KMT2B: variants seen among roughly 807,000 people sequenced by gnomAD.
The protein encoded by KMT2B is lysine methyltransferase 2B.
KMT2B carries 22 observed loss-of-function variants against 255.3 expected under a neutral mutation model. The ratio of observed to expected loss-of-function variants is 0.09; its 90% confidence interval spans 0.06 to 0.12. The LOEUF (loss-of-function observed/expected upper bound fraction) is 0.12. KMT2B is among the 10% of genes least tolerant of loss of function. The pLI, the probability that KMT2B is intolerant of heterozygous loss-of-function variation, is 1.00. For synonymous variants in KMT2B, 1,730 were observed against 1,498.1 expected, an observed-to-expected ratio of 1.15 and a Z score of -3.57; for missense variants, 3,149 against 3,737.0, an observed-to-expected ratio of 0.84 and a Z score of 4.10.
chr19:35,732,153 G>GGGGGTT lies in KMT2B; in HGVS notation c.5665+23_5665+28dup. ...CTCCCCTGGTGAGCACCGGGCATGT[G>GGGGGTT]GGGGTTGGGGGTGGAGCCGCGGAGG... On this transcript the variant is annotated intron_variant, in intron 27 of 36. Transcript: ENST00000420124. The GGGGGTT allele has an allele frequency of 6.3e-7, 1 of 1,574,878 alleles. No individual in the cohort carries two copies. Among genetic ancestry groups the GGGGGTT allele is most frequent in the Non-Finnish European group, 8.6e-7 (1 of 1,158,822 alleles).
chr19:35,736,378 G>A (rs1342109339), intron 30 of KMT2B: 3 of 303,700 alleles, frequency 9.9e-6, no homozygotes, highest in East Asian at 1.1e-4. Flanking sequence ...ACAGGTAGAT[G>A]GGATGTATGG....
chr19:35,728,674 G>A, intron 19 of KMT2B, 100 bp from the exon 20 acceptor site: 1 of 803,508 alleles, frequency 1.2e-6, no homozygotes, highest in Non-Finnish European at 2.1e-6. Flanking sequence ...CATAGAGAGG[G>A]AGTAGCGGGT....
At chr19:35,731,855 C>T in intron 26 of KMT2B, 53 bp from the exon 27 acceptor site, 2 of 1,335,556 alleles carry the variant, frequency 1.5e-6, no homozygotes, top group Non-Finnish European at 1.1e-6. Flanking sequence ...AGCATGTGGG[C>T]AGGCTTTGAC....
Position 35,721,515 on chromosome 19 carries a change from G to A in KMT2B, c.2168G>A (p.Gly723Glu), listed in dbSNP as rs1319017297. Residue 723 changes from glycine (G) to glutamate (E), a missense_variant, in exon 3 of 37, where the codon GGG becomes GAG. Physicochemically the swap from Gly to Glu is moderately conservative, Grantham distance 98. Around this residue, in one of 18 missense-constraint regions of KMT2B, gnomAD observed 1,188 missense variants for 1,106.4 expected, o/e 1.07. Transcript: ENST00000420124. ...GTTAAGGCCGAGGTGTCCCCTCACG[G>A]GGCTCCAGCTCTGAGCAACGGGCCA... is the stretch of plus-strand genomic sequence containing the variant. ...TPVKAEVSPH[G>E]APALSNGPQT... 2 of 1,611,876 alleles carry A rather than the reference G, an allele frequency of 1.2e-6. No homozygotes were observed. The highest frequency in any genetic ancestry group is 2.7e-5 in the African/African-American group (2 of 74,844).
In KMT2B at chr19:35,720,589, T is replaced by TACCC; in HGVS notation, c.1242_1243insACCC (p.Pro415ThrfsTer136). On this transcript the variant is annotated frameshift_variant, in exon 3 of 37. Coordinates refer to ENST00000420124, the MANE Select transcript of KMT2B (RefSeq NM_014727.3). LOFTEE classifies it high-confidence loss of function. ...TGACTCCTCCAGCCCCTTCACCTCC[T>TACCC]CCACCCCTCCCACCCCCTTCGACAT... 1 of 1,407,324 alleles carries TACCC rather than the reference T, an allele frequency of 7.1e-7. No individual in the cohort carries two copies. The highest frequency in any genetic ancestry group is 9.4e-7 in the Non-Finnish European group (1 of 1,059,758). 87.2% of individuals were successfully genotyped at this position (1,407,324 alleles called of 1,614,324 possible).
rs568148791 is a variant in KMT2B at position 35,726,625 on chromosome 19, G to A, written c.4003+272G>A. Among the ~76,000 whole-genome samples the A allele has an allele frequency of 1.8e-4, 28 of 152,232 alleles. No homozygotes were observed. In the South Asian group the frequency reaches 5.2e-3, roughly 28 times the overall value. On this transcript the variant is annotated intron_variant, in intron 14 of 36. Transcript: ENST00000420124. ...CTGGAACCTCACGTCTCCATTGAGC[G>A]GTTTGGAAGCCTTATTCAGGCAGTA... is the stretch of plus-strand genomic sequence containing the variant.
Position 35,718,466 on chromosome 19 carries a change from G to A in KMT2B, c.363+85G>A. 2.5e-6 allele frequency: 3 copies of A among 1,192,752 alleles called. No individual in the cohort carries two copies. Among genetic ancestry groups the A allele is most frequent in the Middle Eastern group, 3.4e-4 (1 of 2,942 alleles). 73.9% of individuals were successfully genotyped at this position (1,192,752 alleles called of 1,614,324 possible). On this transcript the variant is annotated intron_variant, in intron 1 of 36. Transcript: ENST00000420124. This position sits in a 1 kb window ranked among gnomAD's most constrained non-coding sequence, Gnocchi z 5.0. ...TCTGGGTTGTCCCGGGGGCGGCGTG[G>A]GCAGGCCGGGTCCTCAGGGTTCCTT...
At chr19:35,719,613 C>G (rs940606852) in intron 2 of KMT2B, 72 bp downstream of exon 2, 1 of 1,519,344 alleles carries the variant, frequency 6.6e-7, no homozygotes, top group South Asian at 1.2e-5. Context: ...CAGCTCTTCC[C>G]TGTTCAACTA....
At position 35,727,015 on chromosome 19, in the gene KMT2B, CAAG is replaced by C. The variant is rs1969481965; in HGVS notation, c.4004-140_4004-138del. 6.7e-6 allele frequency: 3 copies of C among 450,486 alleles called. No individual in the cohort carries two copies. Among genetic ancestry groups the C allele is most frequent in the Non-Finnish European group, 1.2e-5 (3 of 248,824 alleles). 27.9% of individuals were successfully genotyped at this position (450,486 alleles called of 1,614,324 possible). A position where few individuals can be genotyped will look rare whatever the true frequency, so the allele number is the denominator to read the frequency against. The stretch of plus-strand genomic sequence containing the variant: ...AAAAAAAAAAAAAAAGCCTCATCCT[CAAG>C]GAGCTTTTAGGGACTAGTAGGGGCC... On this transcript the variant is annotated intron_variant, in intron 14 of 36. Transcript: ENST00000420124. This position sits in a 1 kb window ranked among gnomAD's most constrained non-coding sequence, Gnocchi z 4.2.
chr19:35,734,160 G>C (rs1487965636), intron 30 of KMT2B, among the ~76,000 whole-genome samples: 2 of 152,130 alleles, frequency 1.3e-5, no homozygotes, highest in Non-Finnish European at 2.9e-5. Flanking sequence ...AGCTGAGAGA[G>C]AGCTTCCTAG....
intron 13 of KMT2B, 45 bp from the exon 14 acceptor site, chr19:35,726,191 C>T (rs752097225): frequency 4.3e-5 from 63 of 1,450,674 alleles, no homozygotes; most frequent in Non-Finnish European, 6.0e-5. Context: ...CATGTTGCTC[C>T]AGTCCAGTGC....
At position 35,733,814 on chromosome 19, in the gene KMT2B, C is replaced by T; in HGVS notation, c.7101C>T (p.Pro2367=). Residue 2367 remains proline (P), a synonymous_variant, in exon 30 of 37, where the codon CCC becomes CCT. Transcript: ENST00000420124. This position sits in a 1 kb window ranked among gnomAD's most constrained non-coding sequence, Gnocchi z 4.3. The part of the protein sequence containing the change: ...PLLPLPEDGP[P]QVPDGPPDLL... Reference sequence around the variant, plus strand: ...TGCCACTTCCGGAAGATGGTCCTCCCCAGGTCCCCGATGGTCCCCCAGACC... The same window carrying T: ...TGCCACTTCCGGAAGATGGTCCTCCTCAGGTCCCCGATGGTCCCCCAGACC... 1.2e-6 allele frequency: 2 copies of T among 1,613,782 alleles called. No individual in the cohort carries two copies. Among genetic ancestry groups the T allele is most frequent in the Admixed American group, 3.3e-5 (2 of 60,002 alleles).
intron 22 of KMT2B, among the ~76,000 whole-genome samples, chr19:35,729,536 C>G (rs544946419): frequency 6.6e-6 from 1 of 152,268 alleles, no homozygotes; most frequent in East Asian, 1.9e-4. Context: ...TTGATTGAAC[C>G]TGGGCTGCAC....
chr19:35,723,321 A>G lies in KMT2B; in HGVS notation c.3002+47A>G, dbSNP rs769254051. On this transcript the variant is annotated intron_variant, in intron 6 of 36. Transcript: ENST00000420124. This position sits in a 1 kb window ranked among gnomAD's most constrained non-coding sequence, Gnocchi z 7.5. ...TCATTCCCGTGGTTGTTGGTCCCCTAGGCTTCCTACCTCACTCCTCTTCTG... is the reference window on the plus strand; with the variant it reads ...TCATTCCCGTGGTTGTTGGTCCCCTGGGCTTCCTACCTCACTCCTCTTCTG... 1.8e-5 allele frequency: 29 copies of G among 1,590,320 alleles called. No individual in the cohort carries two copies. The highest frequency in any genetic ancestry group is 1.7e-4 in the Middle Eastern group (1 of 5,966).
chr19:35,724,111 G>A lies in KMT2B; in HGVS notation c.3334+104G>A, dbSNP rs940445069. ...GACCCAGGGCTCTGTCAGTCTGATA[G>A]AGAAGGTGGCTGAGGGCGGAGGAGG... On this transcript the variant is annotated intron_variant, in intron 8 of 36. Coordinates refer to ENST00000420124, the MANE Select transcript of KMT2B (RefSeq NM_014727.3). 4.2e-6 allele frequency: 5 copies of A among 1,183,154 alleles called. No individual in the cohort carries two copies. The Admixed American group carries it at 1.1e-4, about 25-fold the overall frequency. 73.3% of individuals were successfully genotyped at this position (1,183,154 alleles called of 1,614,324 possible).
Position 35,723,389 on chromosome 19 carries a change from C to T in KMT2B, c.3003-58C>T. 1 of 1,534,998 alleles carries T rather than the reference C, an allele frequency of 6.5e-7. No individual in the cohort carries two copies. On this transcript the variant is annotated intron_variant, in intron 6 of 36. Coordinates refer to ENST00000420124, the MANE Select transcript of KMT2B (RefSeq NM_014727.3). The surrounding 1 kb of genome is among the most constrained non-coding windows in gnomAD (Gnocchi z 7.5). ...GGTTGGCATTCTTGTGGAGAGCTTC[C>T]TCTCTTCCCCCAGACCACCAGTCCC...
chr19:35,728,739 T>C (rs759714755), intron 19 of KMT2B, 35 bp from the exon 20 acceptor site: 2 of 1,557,972 alleles, frequency 1.3e-6, no homozygotes, highest in Non-Finnish European at 1.8e-6. Flanking sequence ...CTGCCCTTGT[T>C]GGGCACATCA....
Position 35,723,321 on chromosome 19 carries a change from AGG to A in KMT2B, c.3002+48_3002+49del, listed in dbSNP as rs1181549086. 1.3e-6 allele frequency: 2 copies of A among 1,590,204 alleles called. No individual in the cohort carries two copies. Among genetic ancestry groups the A allele is most frequent in the Non-Finnish European group, 1.7e-6 (2 of 1,165,204 alleles). On this transcript the variant is annotated intron_variant, in intron 6 of 36. Transcript: ENST00000420124. This position sits in a 1 kb window ranked among gnomAD's most constrained non-coding sequence, Gnocchi z 7.5. Reference sequence around the variant, plus strand: ...TCATTCCCGTGGTTGTTGGTCCCCTAGGCTTCCTACCTCACTCCTCTTCTGCC... The same window carrying A: ...TCATTCCCGTGGTTGTTGGTCCCCTACTTCCTACCTCACTCCTCTTCTGCC...
chr19:35,726,261 A>G lies in KMT2B; in HGVS notation c.3911A>G (p.Lys1304Arg), dbSNP rs371274367. Residue 1304 changes from lysine (K) to arginine (R), a missense_variant, in exon 14 of 37, where the codon AAG (lysine) becomes AGG (arginine). Transcript: ENST00000420124. ...HWICSACVRCKSCGATPGKNW... is the reference protein window; with the variant it reads ...HWICSACVRCRSCGATPGKNW... ...ATCTGTTCAGCCTGTGTGCGCTGTA[A>G]GAGCTGTGGGGCAACTCCAGGCAAG... 9 of 1,613,756 alleles carry G rather than the reference A, an allele frequency of 5.6e-6. No individual in the cohort carries two copies. The highest frequency in any genetic ancestry group is 7.6e-6 in the Non-Finnish European group (9 of 1,179,806).
Sources: allele counts gnomAD v4.1 joint callset (sites outside exome capture counted in the v4.1 genomes callset), GRCh38; gene constraint gnomAD v4.1.1; regional missense constraint gnomAD v4.1.1; non-coding constraint Gnocchi (gnomAD v3.1); transcripts MANE v1.5; gene names NCBI Gene and HGNC (gene_info 2026-07-23, HGNC 2026-07-21).